Variants in PRKAR2B observed in about 807,000 individuals in gnomAD.
The protein encoded by PRKAR2B is cAMP-dependent protein kinase type II-beta regulatory subunit.
In PRKAR2B, 14 loss-of-function variants were observed where a neutral mutation model predicts 49.9. The observed-to-expected ratio is 0.28, with a 90% CI of 0.19 to 0.44. The LOEUF is 0.44. PRKAR2B is among the 20% of genes least tolerant of loss of function. The probability of loss-of-function intolerance (pLI) is 1.00; values close to 1 mark genes in which losing one functional copy is unlikely to be tolerated. For synonymous variants in PRKAR2B, 196 were observed against 197.7 expected, an observed-to-expected ratio of 0.99 and a Z score of 0.07; for missense variants, 393 against 537.9, an observed-to-expected ratio of 0.73 and a Z score of 2.67.
intron 2 of PRKAR2B, among the ~76,000 whole-genome samples, chr7:107,102,464 G>A (rs1337752718): frequency 6.6e-6 from 1 of 152,166 alleles, no homozygotes; most frequent in Non-Finnish European, 1.5e-5. Flanking sequence ...CTCTGTCTAT[G>A]GAGCAGCCAT....
At chr7:107,090,333 CA>C (rs1232692718) in intron 2 of PRKAR2B, among the ~76,000 whole-genome samples, 1 of 152,164 alleles carries the variant, frequency 6.6e-6, no homozygotes, top group Non-Finnish European at 1.5e-5. Context: ...ACAGCTGCAG[CA>C]AGAAAGAGGT....
At chr7:107,084,899 A>G (rs1033977365) in intron 2 of PRKAR2B, among the ~76,000 whole-genome samples, 1 of 152,020 alleles carries the variant, frequency 6.6e-6, no homozygotes. Context: ...TGCTGGGATT[A>G]CAGGTGTGAG....
intron 1 of PRKAR2B, among the ~76,000 whole-genome samples, chr7:107,057,239 A>G (rs539106039): frequency 2.6e-5 from 4 of 152,260 alleles, no homozygotes; most frequent in East Asian, 3.9e-4. Context: ...TGAAATGGAC[A>G]TATCCACCCG....
intron 10 of PRKAR2B, 43 bp downstream of exon 10, chr7:107,157,367 AT>A (rs1294023871): frequency 1.3e-6 from 2 of 1,578,536 alleles, no homozygotes; most frequent in Admixed American, 1.8e-5. Flanking sequence ...GGTTGAACTT[AT>A]GTCTGCATTT....
intron 7 of PRKAR2B, among the ~76,000 whole-genome samples, chr7:107,151,619 G>T (rs191257336): frequency 2.0e-5 from 3 of 152,242 alleles, no homozygotes; most frequent in Admixed American, 1.3e-4. Flanking sequence ...CCTAAACTAT[G>T]GAACATTCGA....
At chr7:107,150,383 A>G (rs1386958161) in intron 6 of PRKAR2B, among the ~76,000 whole-genome samples, 2 of 152,122 alleles carry the variant, frequency 1.3e-5, no homozygotes, top group Non-Finnish European at 2.9e-5. Context: ...TTATGAGTAC[A>G]TATTATGTGT....
intron 7 of PRKAR2B, among the ~76,000 whole-genome samples, chr7:107,152,215 G>A (rs1238860946): frequency 6.6e-6 from 1 of 152,116 alleles, no homozygotes; most frequent in Non-Finnish European, 1.5e-5. Context: ...CTCTATTTAA[G>A]CTCCTCCTCA....
intron 4 of PRKAR2B, among the ~76,000 whole-genome samples, chr7:107,134,135 T>G (rs1187050519): frequency 6.6e-6 from 1 of 152,098 alleles, no homozygotes; most frequent in Non-Finnish European, 1.5e-5. Context: ...TTCAAGTGAT[T>G]CTTGTACCTC....
chr7:107,143,194 A>G (rs967289970), intron 5 of PRKAR2B, among the ~76,000 whole-genome samples: 1 of 152,216 alleles, frequency 6.6e-6, no homozygotes, highest in African/African-American at 2.4e-5. Flanking sequence ...GAACAGTTTC[A>G]GCGCAAAAGT....
At chr7:107,138,728 G>C (rs1795743366) in intron 4 of PRKAR2B, among the ~76,000 whole-genome samples, 1 of 152,044 alleles carries the variant, frequency 6.6e-6, no homozygotes, top group African/African-American at 2.4e-5. Context: ...CTGTTGCCCA[G>C]GCTGGAGCGC....
At chr7:107,109,485 A>G (rs183594634) in intron 2 of PRKAR2B, among the ~76,000 whole-genome samples, 8 of 151,232 alleles carry the variant, frequency 5.3e-5, no homozygotes, top group Admixed American at 3.3e-4. Context: ...CTGGTCTCAA[A>G]CACCTGGACT....
At chr7:107,119,020 T>C (rs1795340882) in intron 2 of PRKAR2B, among the ~76,000 whole-genome samples, 2 of 152,190 alleles carry the variant, frequency 1.3e-5, no homozygotes, top group South Asian at 4.2e-4. Flanking sequence ...TGTGATAAAG[T>C]GGGTATCACA....
At chr7:107,132,546 G>A (rs975096095) in intron 4 of PRKAR2B, among the ~76,000 whole-genome samples, 1 of 152,086 alleles carries the variant, frequency 6.6e-6, no homozygotes, top group Non-Finnish European at 1.5e-5. Flanking sequence ...AGGGAAGGGG[G>A]AAAGGGACAG....
At chr7:107,152,086 T>A (rs771861727) in intron 7 of PRKAR2B, among the ~76,000 whole-genome samples, 1 of 152,194 alleles carries the variant, frequency 6.6e-6, no homozygotes. Flanking sequence ...GATGGCAACA[T>A]ATCCTTCCAG....
chr7:107,132,409 T>G (rs1795619280), intron 4 of PRKAR2B, among the ~76,000 whole-genome samples: 1 of 152,088 alleles, frequency 6.6e-6, no homozygotes, highest in South Asian at 2.1e-4. Context: ...TAAGGTCACT[T>G]TGGTGGTAAT....
intron 2 of PRKAR2B, among the ~76,000 whole-genome samples, chr7:107,089,315 G>A (rs1329782835): frequency 2.0e-5 from 3 of 152,146 alleles, no homozygotes; most frequent in East Asian, 1.9e-4. Flanking sequence ...TGAATTCTGC[G>A]CTCTTTCCTC....
intron 6 of PRKAR2B, among the ~76,000 whole-genome samples, chr7:107,148,269 G>A (rs1193496745): frequency 2.6e-5 from 4 of 152,190 alleles, no homozygotes; most frequent in African/African-American, 4.8e-5. Context: ...TGGGGTTGCC[G>A]TTCAGATTCA....
chr7:107,085,667 A>G (rs1026289537), intron 2 of PRKAR2B, among the ~76,000 whole-genome samples: 1 of 152,146 alleles, frequency 6.6e-6, no homozygotes, highest in Non-Finnish European at 1.5e-5. Flanking sequence ...TTAAACTTAT[A>G]TCCAATTTTT....
intron 1 of PRKAR2B, among the ~76,000 whole-genome samples, chr7:107,060,806 T>A (rs1344771975): frequency 2.0e-5 from 3 of 152,158 alleles, no homozygotes; most frequent in Admixed American, 6.6e-5. Flanking sequence ...TGCTTGTGAT[T>A]TTTTTTGCCT....
Sources: allele counts gnomAD v4.1 joint callset (sites outside exome capture counted in the v4.1 genomes callset), GRCh38; gene constraint gnomAD v4.1.1; transcripts MANE v1.5; gene names NCBI Gene and HGNC (gene_info 2026-07-23, HGNC 2026-07-21).